Variants in EYS observed in about 807,000 individuals in gnomAD.
EYS encodes protein eyes shut homolog.
A neutral mutation model predicts 282.1 loss-of-function variants in EYS; 250 were observed. The ratio of observed to expected loss-of-function variants is 0.89; its 90% CI spans 0.80 to 0.98. The LOEUF (loss-of-function observed/expected upper bound fraction) is 0.98, where lower values mean the gene tolerates loss of function less well. Ranked by LOEUF, EYS falls within the 50% of genes least tolerant of loss-of-function variation. The probability of loss-of-function intolerance (pLI) is 0.00; values close to 1 mark genes in which losing one functional copy is unlikely to be tolerated. For missense variants in EYS, 4,016 were observed against 3,709.0 expected, an observed-to-expected ratio of 1.08 and a Z score of -2.15; for synonymous variants, 1,355 against 1,282.9, an observed-to-expected ratio of 1.06 and a Z score of -1.20.
chr6:65,058,491 A>G (rs1376847672), intron 12 of EYS, among the ~76,000 whole-genome samples: 1 of 151,442 alleles, frequency 6.6e-6, no homozygotes, highest in African/African-American at 2.4e-5. Context: ...AGTACTATTT[A>G]CTAATAAAGC....
intron 28 of EYS, among the ~76,000 whole-genome samples, chr6:64,410,908 A>G (rs1367816476): frequency 6.6e-6 from 1 of 152,152 alleles, no homozygotes; most frequent in East Asian, 1.9e-4. Flanking sequence ...AGTGAAAAAC[A>G]TTAGAATTTT....
chr6:64,104,597 G>C (rs1341251127), intron 31 of EYS, among the ~76,000 whole-genome samples: 1 of 151,858 alleles, frequency 6.6e-6, no homozygotes, highest in Admixed American at 6.6e-5. Context: ...CCTCTAAGGG[G>C]TGTCTTACTA....
intron 1 of EYS, among the ~76,000 whole-genome samples, chr6:65,655,951 A>C (rs1419353042): frequency 6.6e-6 from 1 of 151,814 alleles, no homozygotes; most frequent in African/African-American, 2.4e-5. Flanking sequence ...TTTTTCCAAC[A>C]CCATGTGCTC....
intron 36 of EYS, among the ~76,000 whole-genome samples, chr6:63,836,509 A>G (rs1771809940): frequency 6.6e-6 from 1 of 152,080 alleles, no homozygotes; most frequent in Non-Finnish European, 1.5e-5. Context: ...CAGAAGGAAA[A>G]AAGTGAGCAT....
chr6:65,481,374 C>T (rs56166832), intron 5 of EYS, among the ~76,000 whole-genome samples: 26,860 of 152,042 alleles, frequency 0.18, 2,895 homozygotes, highest in East Asian at 0.27. Flanking sequence ...ATTAAGCATT[C>T]AGCTCTTTTC....
intron 12 of EYS, among the ~76,000 whole-genome samples, chr6:65,142,143 G>T (rs1009453985): frequency 4.6e-5 from 7 of 151,908 alleles, no homozygotes; most frequent in Non-Finnish European, 1.0e-4. Flanking sequence ...GTTCACTATA[G>T]TAATTATTTT....
chr6:65,588,239 C>T (rs16896883), intron 2 of EYS, among the ~76,000 whole-genome samples: 12,873 of 152,052 alleles, frequency 0.085, 745 homozygotes, highest in South Asian at 0.14. Context: ...TGTCATAAAC[C>T]TCTATCCACC....
intron 30 of EYS, among the ~76,000 whole-genome samples, chr6:64,301,262 C>G (rs1280746912): frequency 6.6e-6 from 1 of 152,196 alleles, no homozygotes; most frequent in Non-Finnish European, 1.5e-5. Context: ...GGCCTACCTA[C>G]TGATAGGTTG....
At chr6:64,016,943 C>T (rs1452642217) in intron 33 of EYS, among the ~76,000 whole-genome samples, 2 of 152,070 alleles carry the variant, frequency 1.3e-5, no homozygotes, top group African/African-American at 4.8e-5. Flanking sequence ...TCACTCTGTT[C>T]TCTTAAGATG....
chr6:64,392,607 C>A (rs1773195274), intron 28 of EYS, among the ~76,000 whole-genome samples: 3 of 151,420 alleles, frequency 2.0e-5, no homozygotes, highest in Non-Finnish European at 4.4e-5. Context: ...ATACCAGAAT[C>A]TCTGGGACGC....
At chr6:64,950,815 AT>A (rs1562272714) in intron 14 of EYS, among the ~76,000 whole-genome samples, 6 of 111,298 alleles carry the variant, frequency 5.4e-5, no homozygotes, top group Non-Finnish European at 1.2e-4. Context: ...ATATATATAT[AT>A]ATATATATAT....
At chr6:63,854,787 A>T (rs1469328207) in intron 36 of EYS, among the ~76,000 whole-genome samples, 1 of 152,234 alleles carries the variant, frequency 6.6e-6, no homozygotes, top group Non-Finnish European at 1.5e-5. Context: ...TGAAATCAAT[A>T]GAAGGAATAA....
At chr6:64,296,593 TA>T (rs1769030319) in intron 30 of EYS, among the ~76,000 whole-genome samples, 5 of 4,634 alleles carry the variant, frequency 1.1e-3, no homozygotes, top group African/African-American at 3.8e-3. Context: ...TACATATATA[TA>T]TATATTTTTT....
chr6:65,087,544 A>T (rs1006084053), intron 12 of EYS, among the ~76,000 whole-genome samples: 17 of 151,878 alleles, frequency 1.1e-4, no homozygotes, highest in African/African-American at 3.4e-4. Flanking sequence ...TCTTTCACCC[A>T]CCTCATATTA....
intron 1 of EYS, among the ~76,000 whole-genome samples, chr6:65,685,009 T>C (rs1184648185): frequency 1.3e-5 from 2 of 151,986 alleles, no homozygotes; most frequent in Non-Finnish European, 2.9e-5. Context: ...TGTATAGGGC[T>C]TCTATGGCCT....
intron 12 of EYS, among the ~76,000 whole-genome samples, chr6:65,268,931 T>G (rs980696184): frequency 6.6e-6 from 1 of 152,150 alleles, no homozygotes; most frequent in African/African-American, 2.4e-5. Context: ...CAGTAAATTT[T>G]ATTATAATTT....
chr6:64,879,917 A>G (rs1289762865), intron 19 of EYS, among the ~76,000 whole-genome samples: 2 of 152,048 alleles, frequency 1.3e-5, no homozygotes, highest in Non-Finnish European at 2.9e-5. Flanking sequence ...AGAGGTAAAT[A>G]TCAGAAGTAT....
At chr6:65,695,274 G>A (rs1356742365) in intron 1 of EYS, among the ~76,000 whole-genome samples, 1 of 151,882 alleles carries the variant, frequency 6.6e-6, no homozygotes, top group Non-Finnish European at 1.5e-5. Flanking sequence ...AATTAGAAGA[G>A]ACATGGTATT....
At chr6:64,870,025 G>A (rs2150053426) in intron 19 of EYS, among the ~76,000 whole-genome samples, 1 of 151,742 alleles carries the variant, frequency 6.6e-6, no homozygotes, top group Non-Finnish European at 1.5e-5. Flanking sequence ...GGTCTTTTAA[G>A]TTAGAACTGA....
Sources: allele counts gnomAD v4.1 joint callset (sites outside exome capture counted in the v4.1 genomes callset), GRCh38; gene constraint gnomAD v4.1.1; transcripts MANE v1.5; gene names NCBI Gene and HGNC (gene_info 2026-07-23, HGNC 2026-07-21).